The following UBE2F variants were observed in gnomAD, a reference collection of about 807,000 sequenced individuals.
The protein encoded by UBE2F is ubiquitin conjugating enzyme E2 F (putative).
UBE2F carries 5 observed loss-of-function variants against 29.6 expected under a neutral mutation model. The ratio of observed to expected loss-of-function variants is 0.17; its 90% CI spans 0.09 to 0.36. The LOEUF is 0.36. Ranked by LOEUF, UBE2F falls within the 10% of genes least tolerant of loss-of-function variation. The pLI is 1.00. For synonymous variants in UBE2F, 66 were observed against 81.8 expected, an observed-to-expected ratio of 0.81 and a Z score of 1.04; for missense variants, 141 against 228.5, an observed-to-expected ratio of 0.62 and a Z score of 2.47.
At position 238,011,478 on chromosome 2, in the gene UBE2F, G is replaced by T. The variant is rs142201289; in HGVS notation, c.215-5088G>T. Among the ~76,000 whole-genome samples the T allele has an allele frequency of 5.3e-3, 805 of 152,220 alleles. 7 individuals are homozygous for T. The highest frequency in any genetic ancestry group is 9.0e-3 in the Non-Finnish European group (614 of 68,018). ...TTCTCTCCCTTCCACTAGAATATACGCTTCATAAGGGCGGGAATTATCTCT... is the reference window on the plus strand; with the variant it reads ...TTCTCTCCCTTCCACTAGAATATACTCTTCATAAGGGCGGGAATTATCTCT... On this transcript the variant is annotated intron_variant, in intron 4 of 9. Transcript: ENST00000272930.
intron 3 of UBE2F, chr2:237,990,401 AC>A: frequency 2.3e-6 from 1 of 441,760 alleles, no homozygotes; most frequent in South Asian, 1.6e-5. Flanking sequence ...ATACATGTAA[AC>A]CTTTTTTTTT....
At chr2:237,999,827 T>G (rs71402747) in intron 4 of UBE2F, among the ~76,000 whole-genome samples, 1 of 5,606 alleles carries the variant, frequency 1.8e-4, no homozygotes, top group East Asian at 0.1. Context: ...GTTCTTTTTT[T>G]TTTTTTTTTT....
Position 237,973,185 on chromosome 2 carries a change from G to C in UBE2F, c.78G>C (p.Ser26=). ...GGACGGCAGCCACAGCGTCCGACTC[G>C]ACTCGGAGGGTTTCTGTGAGAGACA... ...GSRTAATASD[S]TRRVSVRDKL... Residue 26 remains serine (S), a synonymous_variant, in exon 2 of 10, where the codon TCG becomes TCC. Coordinates refer to ENST00000272930, the MANE Select transcript of UBE2F (RefSeq NM_080678.3). The C allele has an allele frequency of 1.2e-6, 2 of 1,613,988 alleles. No homozygotes were observed. Among genetic ancestry groups the C allele is most frequent in the South Asian group, 2.2e-5 (2 of 91,068 alleles).
chr2:237,991,955 C>T (rs952157387), intron 3 of UBE2F, among the ~76,000 whole-genome samples: 5 of 151,958 alleles, frequency 3.3e-5, no homozygotes, highest in Admixed American at 6.6e-5. Flanking sequence ...AACCTCTGCC[C>T]CCGGGTTCAA....
At chr2:237,976,343 G>C (rs2063281627) in intron 2 of UBE2F, among the ~76,000 whole-genome samples, 1 of 152,210 alleles carries the variant, frequency 6.6e-6, no homozygotes, top group Non-Finnish European at 1.5e-5. Context: ...CAAACAGACT[G>C]TCCCATCTTC....
intron 9 of UBE2F, among the ~76,000 whole-genome samples, chr2:238,038,520 C>T (rs935883786): frequency 1.3e-5 from 2 of 152,220 alleles, no homozygotes; most frequent in African/African-American, 4.8e-5. Context: ...CGAGGACTAG[C>T]CCTTGTGGAC....
chr2:237,996,324 T>C (rs2063691577), intron 4 of UBE2F, among the ~76,000 whole-genome samples: 1 of 152,220 alleles, frequency 6.6e-6, no homozygotes, highest in South Asian at 2.1e-4. Flanking sequence ...TCAATGGCTA[T>C]CAGGGATTCT....
intron 5 of UBE2F, among the ~76,000 whole-genome samples, chr2:238,024,675 A>G (rs2064374411): frequency 6.6e-6 from 1 of 152,168 alleles, no homozygotes; most frequent in South Asian, 2.1e-4. Flanking sequence ...GGCCTCCCAA[A>G]GTGAGCCACC....
chr2:238,019,315 C>G (rs1367249582), intron 5 of UBE2F, among the ~76,000 whole-genome samples: 1 of 152,142 alleles, frequency 6.6e-6, no homozygotes, highest in African/African-American at 2.4e-5. Context: ...TCTGCATGAA[C>G]CATGTTCCTA....
At chr2:237,991,308 C>T (rs942383788) in intron 3 of UBE2F, among the ~76,000 whole-genome samples, 1 of 152,156 alleles carries the variant, frequency 6.6e-6, no homozygotes, top group Non-Finnish European at 1.5e-5. Context: ...TAACCCTTTA[C>T]TATCTATTTA....
At chr2:237,995,834 A>G (rs2063680567) in intron 4 of UBE2F, among the ~76,000 whole-genome samples, 1 of 152,218 alleles carries the variant, frequency 6.6e-6, no homozygotes. Flanking sequence ...CTGGAAGTAT[A>G]AATCAGTCTG....
At chr2:237,986,231 C>A in intron 2 of UBE2F, 1 of 325,418 alleles carries the variant, frequency 3.1e-6, no homozygotes, top group South Asian at 2.4e-5. Flanking sequence ...CTTACTGCAG[C>A]CTCGACTTCC....
chr2:238,013,048 G>A (rs945681932), intron 4 of UBE2F, among the ~76,000 whole-genome samples: 1 of 152,144 alleles, frequency 6.6e-6, no homozygotes, highest in African/African-American at 2.4e-5. Flanking sequence ...AGGCCAAGAT[G>A]GGCAGATCGC....
intron 6 of UBE2F, among the ~76,000 whole-genome samples, chr2:238,027,248 A>C (rs1357987598): frequency 1.3e-5 from 2 of 152,268 alleles, no homozygotes; most frequent in Non-Finnish European, 2.9e-5. Context: ...GAAATGATCA[A>C]CTGGATTAAC....
chr2:238,018,849 C>G (rs1339643890), intron 5 of UBE2F, among the ~76,000 whole-genome samples: 5 of 152,182 alleles, frequency 3.3e-5, no homozygotes, highest in Non-Finnish European at 5.9e-5. Context: ...GCCCTTCCTA[C>G]CACATCAGGT....
intron 5 of UBE2F, among the ~76,000 whole-genome samples, chr2:238,023,655 G>A (rs1478962955): frequency 2.6e-5 from 4 of 152,130 alleles, no homozygotes; most frequent in Non-Finnish European, 5.9e-5. Flanking sequence ...GATACACAGG[G>A]AAAATGTTAC....
chr2:237,972,418 C>T (rs1432805330), intron 1 of UBE2F, among the ~76,000 whole-genome samples: 3 of 152,132 alleles, frequency 2.0e-5, no homozygotes, highest in Non-Finnish European at 4.4e-5. Context: ...TTGGTGAGGG[C>T]ATGCTGGTTG....
intron 4 of UBE2F, among the ~76,000 whole-genome samples, chr2:238,002,972 A>G (rs2063827765): frequency 1.3e-5 from 2 of 152,084 alleles, no homozygotes; most frequent in African/African-American, 4.8e-5. Flanking sequence ...ATAGTTATGG[A>G]CATGTAAGGA....
At chr2:237,968,786 C>G in intron 1 of UBE2F, 1 of 941,268 alleles carries the variant, frequency 1.1e-6, no homozygotes, top group Non-Finnish European at 1.3e-6. Flanking sequence ...TTCAGAACAG[C>G]TGATCTGTTA....
Sources: gnomAD v4.1 joint callset for allele counts (sites outside exome capture counted in the v4.1 genomes callset) on GRCh38, gnomAD v4.1.1 for gene constraint, MANE v1.5 for transcripts, NCBI Gene and HGNC (gene_info 2026-07-23, HGNC 2026-07-21) for gene names.